The following ADPRM variants were observed in gnomAD, a reference collection of about 807,000 sequenced individuals.
ADPRM encodes manganese-dependent ADP-ribose/CDP-alcohol diphosphatase.
ADPRM carries 17 observed loss-of-function variants against 27.2 expected under a neutral mutation model. The ratio of observed to expected loss-of-function variants is 0.63; its 90% CI spans 0.43 to 0.94. The LOEUF (loss-of-function observed/expected upper bound fraction) is 0.94, where lower values mean the gene tolerates loss of function less well. ADPRM is among the 40% of genes least tolerant of loss of function. ADPRM has a pLI of 0.00. For synonymous variants in ADPRM, 135 were observed against 145.3 expected, an observed-to-expected ratio of 0.93 and a Z score of 0.51; for missense variants, 337 against 412.8, an observed-to-expected ratio of 0.82 and a Z score of 1.59.
chr17:10,704,430 A>G (rs1370872489), intron 1 of ADPRM, among the ~76,000 whole-genome samples: 1 of 151,380 alleles, frequency 6.6e-6, no homozygotes, highest in African/African-American at 2.4e-5. Context: ...AAAATAACCC[A>G]TAACAGGAAC....
In ADPRM at chr17:10,705,665, C is replaced by A; in HGVS notation, c.601+138C>A. On this transcript the variant is annotated intron_variant, in intron 2 of 3. Coordinates refer to ENST00000379774, the MANE Select transcript of ADPRM (RefSeq NM_020233.5). This position sits in a 1 kb window ranked among gnomAD's most constrained non-coding sequence, Gnocchi z 5.4. ...AGGGTCAGGATTTCTCACAAGCCTT[C>A]TCACATGGATTGGTTACAGTTGATT... 1 of 1,318,234 alleles carries A rather than the reference C, an allele frequency of 7.6e-7. No homozygotes were observed. Among genetic ancestry groups the A allele is most frequent in the Non-Finnish European group, 1.0e-6 (1 of 988,180 alleles). 81.7% of individuals were successfully genotyped at this position (1,318,234 alleles called of 1,614,324 possible). A position where few individuals can be genotyped will look rare whatever the true frequency, so the allele number is the denominator to read the frequency against.
chr17:10,698,120 C>G (rs1023248000), intron 1 of ADPRM: 1 of 152,692 alleles, frequency 6.5e-6, no homozygotes, highest in Admixed American at 6.5e-5. Flanking sequence ...ACTTTAAATG[C>G]CCAGCGCTTC....
At chr17:10,701,426 G>T (rs938420354) in intron 1 of ADPRM, among the ~76,000 whole-genome samples, 4 of 151,946 alleles carry the variant, frequency 2.6e-5, no homozygotes. Context: ...CGCCTCCCAG[G>T]TTCACACCAT....
chr17:10,707,334 A>G (rs1422817434), intron 3 of ADPRM, among the ~76,000 whole-genome samples: 1 of 152,154 alleles, frequency 6.6e-6, no homozygotes, highest in African/African-American at 2.4e-5. Context: ...AGGTTGTGCC[A>G]CTGCACTCCA....
intron 1 of ADPRM, among the ~76,000 whole-genome samples, chr17:10,701,926 C>G (rs756296406): frequency 2.6e-5 from 4 of 152,152 alleles, no homozygotes; most frequent in Non-Finnish European, 5.9e-5. Flanking sequence ...AGAGTCAATT[C>G]CCTGACCACC....
intron 1 of ADPRM, chr17:10,698,338 A>G (rs529954786): frequency 6.6e-6 from 1 of 152,282 alleles, no homozygotes; most frequent in Admixed American, 6.5e-5. Flanking sequence ...TTCCTTGTTA[A>G]TGAGGCCAAG....
chr17:10,708,009 G>C (rs2074825155), intron 3 of ADPRM, among the ~76,000 whole-genome samples: 1 of 152,120 alleles, frequency 6.6e-6, no homozygotes, highest in Non-Finnish European at 1.5e-5. Context: ...CAGGTGAGAA[G>C]GCTAGACTGA....
chr17:10,709,110 G>A (rs2074833349), intron 3 of ADPRM, among the ~76,000 whole-genome samples: 1 of 152,152 alleles, frequency 6.6e-6, no homozygotes, highest in South Asian at 2.1e-4. Context: ...TTTCATTATG[G>A]CTACTCCAAG....
At chr17:10,698,300 A>G (rs2074749309) in intron 1 of ADPRM, 1 of 152,290 alleles carries the variant, frequency 6.6e-6, no homozygotes, top group Non-Finnish European at 1.5e-5. Flanking sequence ...GAAGTTTGTT[A>G]TGGGTTCCTC....
chr17:10,706,917 C>T (rs1310384878), intron 3 of ADPRM, among the ~76,000 whole-genome samples: 1 of 152,112 alleles, frequency 6.6e-6, no homozygotes, highest in African/African-American at 2.4e-5. Context: ...AGAGCAATCA[C>T]TTATATGCTT....
At chr17:10,708,213 G>A (rs2074826781) in intron 3 of ADPRM, among the ~76,000 whole-genome samples, 1 of 152,060 alleles carries the variant, frequency 6.6e-6, no homozygotes, top group Non-Finnish European at 1.5e-5. Context: ...GGCAGATCAT[G>A]AGGTCAGGAG....
In ADPRM at chr17:10,705,763, G is replaced by A; in HGVS notation, c.601+236G>A. On this transcript the variant is annotated intron_variant, in intron 2 of 3. Transcript: ENST00000379774. The surrounding 1 kb of genome is among the most constrained non-coding windows in gnomAD (Gnocchi z 5.4). ...CTTTTTCTAGGGGTAGATATTCCGA[G>A]CTGTAAACAATACTAACAATATTAC... 1.7e-6 allele frequency: 1 copy of A among 575,568 alleles called. No homozygotes were observed. Among genetic ancestry groups the A allele is most frequent in the South Asian group, 2.2e-5 (1 of 45,808 alleles). The allele number at this position is 575,568 out of a possible 1,614,324, so 35.7% of individuals were successfully genotyped here.
chr17:10,705,647 G>C lies in ADPRM; in HGVS notation c.601+120G>C. On this transcript the variant is annotated intron_variant, in intron 2 of 3. Transcript: ENST00000379774. The surrounding 1 kb of genome is among the most constrained non-coding windows in gnomAD (Gnocchi z 5.4). Reference sequence around the variant, plus strand: ...GTATATTGTCACTTGTTCAGGGTCAGGATTTCTCACAAGCCTTCTCACATG... The same window carrying C: ...GTATATTGTCACTTGTTCAGGGTCACGATTTCTCACAAGCCTTCTCACATG... 7.1e-7 allele frequency: 1 copy of C among 1,410,500 alleles called. No individual in the cohort carries two copies. The highest frequency in any genetic ancestry group is 9.4e-7 in the Non-Finnish European group (1 of 1,065,546). The allele number at this position is 1,410,500 out of a possible 1,614,324, so 87.4% of individuals were successfully genotyped here. A position where few individuals can be genotyped will look rare whatever the true frequency, so the allele number is the denominator to read the frequency against.
chr17:10,699,462 A>C (rs945120660), intron 1 of ADPRM, among the ~76,000 whole-genome samples: 1 of 150,980 alleles, frequency 6.6e-6, no homozygotes, highest in African/African-American at 2.4e-5. Flanking sequence ...AAACCACCAA[A>C]GTCACCAAAT....
chr17:10,704,820 A>T, intron 1 of ADPRM, 90 bp from the exon 2 acceptor site: 2 of 1,158,488 alleles, frequency 1.7e-6, no homozygotes, highest in Non-Finnish European at 2.4e-6. Context: ...CTAATGAATT[A>T]ACCTTTAACA....
Position 10,704,996 on chromosome 17 carries a change from G to C in ADPRM, c.70G>C (p.Ala24Pro). 1 of 1,614,096 alleles carries C rather than the reference G, an allele frequency of 6.2e-7. No individual in the cohort carries two copies. Among genetic ancestry groups the C allele is most frequent in the Non-Finnish European group, 8.5e-7 (1 of 1,180,024 alleles). The change falls in exon 2 of 4, where the codon GCA (alanine) becomes CCA (proline). Residue 24 changes from alanine to proline, a missense_variant. Transcript: ENST00000379774. ...GCGTCTTTTCTCCTTTGGCGTCATC[G>C]CAGATGTTCAATTTGCAGACTTAGA... ...SERLFSFGVIADVQFADLEDG... is the reference protein window; with the variant it reads ...SERLFSFGVIPDVQFADLEDG...
chr17:10,706,805 A>G (rs1473865403), intron 3 of ADPRM, among the ~76,000 whole-genome samples: 1 of 152,202 alleles, frequency 6.6e-6, no homozygotes, highest in African/African-American at 2.4e-5. Context: ...TCAAAGTCGA[A>G]TTTCCTCAAA....
intron 1 of ADPRM, among the ~76,000 whole-genome samples, chr17:10,701,407 T>C (rs2074777035): frequency 6.6e-6 from 1 of 152,096 alleles, no homozygotes; most frequent in South Asian, 2.1e-4. Context: ...CTCGGCTCAC[T>C]GCAAGCTCCG....
At chr17:10,710,038 ATTGT>A (rs1488562565) in intron 3 of ADPRM, among the ~76,000 whole-genome samples, 2 of 152,228 alleles carry the variant, frequency 1.3e-5, no homozygotes, top group Non-Finnish European at 2.9e-5. Context: ...GTTCGGAGGC[ATTGT>A]TTATGTCAAT....
Sources: allele counts gnomAD v4.1 joint callset (sites outside exome capture counted in the v4.1 genomes callset), GRCh38; gene constraint gnomAD v4.1.1; non-coding constraint Gnocchi (gnomAD v3.1); transcripts MANE v1.5; gene names NCBI Gene and HGNC (gene_info 2026-07-23, HGNC 2026-07-21).